MAPRE2: variants seen among roughly 807,000 people sequenced by gnomAD.
The protein encoded by MAPRE2 is microtubule-associated protein RP/EB family member 2.
Under a neutral mutation model 43.2 loss-of-function variants are expected in MAPRE2, and 13 were observed. That is an observed-to-expected ratio of 0.30 (90% CI 0.20 to 0.48). The LOEUF is 0.48. Among genes scored for constraint, MAPRE2 ranks in the 20% least tolerant of loss-of-function variants. MAPRE2 has a pLI of 0.99. For synonymous variants in MAPRE2, 135 were observed against 148.8 expected (o/e 0.91, Z 0.68); for missense variants, 161 against 400.2 (o/e 0.40, Z 5.10).
chr18:35,117,644 A>T (rs753000935), intron 4 of MAPRE2, among the ~76,000 whole-genome samples: 7 of 152,116 alleles, frequency 4.6e-5, no homozygotes, highest in Non-Finnish European at 8.8e-5. Context: ...TTACTGCAGT[A>T]AACAGGCGAA....
intron 2 of MAPRE2, among the ~76,000 whole-genome samples, chr18:35,015,007 A>G (rs530097294): frequency 4.6e-5 from 7 of 152,152 alleles, no homozygotes; most frequent in Non-Finnish European, 1.0e-4. Flanking sequence ...AATTTTCTGT[A>G]CAAGTAGGCT....
intron 1 of MAPRE2, among the ~76,000 whole-genome samples, chr18:34,992,733 C>T (rs2097024440): frequency 6.6e-6 from 1 of 152,114 alleles, no homozygotes; most frequent in South Asian, 2.1e-4. Context: ...TTGGAATAGG[C>T]AGATGCAGTG....
chr18:34,994,885 C>T (rs12963013), intron 1 of MAPRE2, among the ~76,000 whole-genome samples: 1 of 152,014 alleles, frequency 6.6e-6, no homozygotes, highest in East Asian at 1.9e-4. Context: ...GGGATGATAC[C>T]CCAAGTCCCA....
intron 4 of MAPRE2, among the ~76,000 whole-genome samples, chr18:35,107,458 C>T (rs190085234): frequency 5.7e-4 from 87 of 152,108 alleles, no homozygotes; most frequent in Admixed American, 1.1e-3. Flanking sequence ...TTGTTGAGCA[C>T]CTGTCATCTA....
chr18:35,086,304 T>C (rs1260219603), intron 2 of MAPRE2, among the ~76,000 whole-genome samples: 1 of 151,804 alleles, frequency 6.6e-6, no homozygotes, highest in Non-Finnish European at 1.5e-5. Flanking sequence ...GATATGTATC[T>C]CATATATATG....
chr18:35,024,520 C>T (rs532571820), intron 2 of MAPRE2, among the ~76,000 whole-genome samples: 3 of 151,998 alleles, frequency 2.0e-5, no homozygotes, highest in Admixed American at 6.5e-5. Flanking sequence ...AACGATATAA[C>T]TTGCTTTTAT....
At chr18:35,087,261 C>G (rs1006647044) in intron 2 of MAPRE2, among the ~76,000 whole-genome samples, 3 of 152,012 alleles carry the variant, frequency 2.0e-5, no homozygotes, top group African/African-American at 7.2e-5. Context: ...ATAGTTTTTT[C>G]CCCCCTACTT....
intron 1 of MAPRE2, among the ~76,000 whole-genome samples, chr18:34,989,180 C>T (rs1316201698): frequency 1.3e-5 from 2 of 152,168 alleles, no homozygotes; most frequent in Non-Finnish European, 2.9e-5. Context: ...GTTAACCACC[C>T]TCATGCAACT....
rs1603405229 is a variant in MAPRE2, at chr18:35,140,517, C to T, written c.*148C>T. 3 of 757,468 alleles carry T rather than the reference C, an allele frequency of 4.0e-6. No individual in the cohort carries two copies. Among genetic ancestry groups the T allele is most frequent in the South Asian group, 3.8e-5 (2 of 52,928 alleles). The allele number at this position is 757,468 out of a possible 1,614,324, so 46.9% of individuals were successfully genotyped here. A position where few individuals can be genotyped will look rare whatever the true frequency, so the allele number is the denominator to read the frequency against. ...GCACTGTTGCATATGCCAGCCACTG[C>T]GCTTGGTTCCCATTTTCTTTGCCAA... On this transcript the variant is annotated 3_prime_UTR_variant, in exon 7 of 7. Coordinates refer to ENST00000300249, the MANE Select transcript of MAPRE2 (RefSeq NM_014268.4).
At position 35,008,959 on chromosome 18, in the gene MAPRE2, T is replaced by C. The variant is rs557934792; in HGVS notation, c.-8+3406T>C. Among the ~76,000 whole-genome samples the C allele has an allele frequency of 4.7e-5, 7 of 147,888 alleles. No individual in the cohort carries two copies. In the South Asian group the frequency reaches 1.5e-3, roughly 32 times the overall value. ...TGCTGAGTGTTTTGGGGTGTGTGTG[T>C]GTGTGCATGCACGTGTGTGTGTGTA... On this transcript the variant is annotated intron_variant, in intron 2 of 7. Transcript: ENST00000413393.
At chr18:35,134,279 T>G (rs1910290360) in intron 6 of MAPRE2, among the ~76,000 whole-genome samples, 2 of 152,222 alleles carry the variant, frequency 1.3e-5, no homozygotes, top group African/African-American at 2.4e-5. Context: ...AATCCTGAGT[T>G]TATGTTCTCC....
chr18:35,085,738 G>T (rs1417109532), intron 2 of MAPRE2, among the ~76,000 whole-genome samples: 2 of 152,160 alleles, frequency 1.3e-5, no homozygotes, highest in African/African-American at 2.4e-5. Flanking sequence ...GACAGACTGA[G>T]AATTAGAAAA....
intron 1 of MAPRE2, among the ~76,000 whole-genome samples, chr18:34,989,104 A>G (rs563532897): frequency 6.6e-6 from 1 of 152,328 alleles, no homozygotes; most frequent in South Asian, 2.1e-4. Flanking sequence ...TTTAATAAAC[A>G]TAAGTTCATT....
chr18:35,015,145 G>A (rs187734320), intron 2 of MAPRE2, among the ~76,000 whole-genome samples: 1 of 151,918 alleles, frequency 6.6e-6, no homozygotes, highest in Non-Finnish European at 1.5e-5. Context: ...TACTTTCCTG[G>A]CCAGAGAGTC....
At chr18:35,138,914 T>G (rs529945058) in intron 6 of MAPRE2, among the ~76,000 whole-genome samples, 1 of 152,220 alleles carries the variant, frequency 6.6e-6, no homozygotes, top group South Asian at 2.1e-4. Flanking sequence ...TCTGATAGTC[T>G]CAGTCATTCA....
chr18:34,981,165 G>A (rs2097016000), intron 1 of MAPRE2, among the ~76,000 whole-genome samples: 1 of 151,850 alleles, frequency 6.6e-6, no homozygotes. Flanking sequence ...CTGAGGTCAG[G>A]AGTTCAAGAC....
intron 1 of MAPRE2, among the ~76,000 whole-genome samples, chr18:35,000,055 CCTAGAAAGCTATGGACCTCCCACA>C (rs2150578316): frequency 6.6e-6 from 1 of 152,166 alleles, no homozygotes; most frequent in East Asian, 1.9e-4. Context: ...CTGCTTTATT[CCTAGAAAGCTATGGACCTCCCACA>C]CTAAAGAATG....
At chr18:34,979,790 G>T (rs1201487294) in intron 1 of MAPRE2, among the ~76,000 whole-genome samples, 2 of 152,006 alleles carry the variant, frequency 1.3e-5, no homozygotes, top group East Asian at 1.9e-4. Flanking sequence ...ATTAACCAAA[G>T]GTTTCTTGCC....
intron 1 of MAPRE2, among the ~76,000 whole-genome samples, chr18:35,045,374 A>G (rs1178672161): frequency 6.6e-6 from 1 of 152,216 alleles, no homozygotes; most frequent in Non-Finnish European, 1.5e-5. Flanking sequence ...TGAATGTATA[A>G]GTCTAGAGGA....
Sources: allele counts gnomAD v4.1 joint callset (sites outside exome capture counted in the v4.1 genomes callset), GRCh38; gene constraint gnomAD v4.1.1; transcripts MANE v1.5; gene names NCBI Gene and HGNC (gene_info 2026-07-23, HGNC 2026-07-21).